Variants in SMC6 observed in about 807,000 individuals in gnomAD.
SMC6 encodes the protein structural maintenance of chromosomes 6.
In SMC6, 79 loss-of-function variants were observed where a neutral mutation model predicts 142.2. The observed-to-expected ratio is 0.56, with a 90% CI of 0.46 to 0.67. The LOEUF (loss-of-function observed/expected upper bound fraction) is 0.67. Among genes scored for constraint, SMC6 ranks in the 30% least tolerant of loss-of-function variants. The pLI is 0.00. For missense variants in SMC6, 1,072 were observed against 1,284.0 expected, an observed-to-expected ratio of 0.83 and a Z score of 2.52; for synonymous variants, 411 against 412.4, an observed-to-expected ratio of 1.00 and a Z score of 0.04.
chr2:17,736,933 T>G (rs1017640794), intron 5 of SMC6, among the ~76,000 whole-genome samples: 97 of 152,018 alleles, frequency 6.4e-4, no homozygotes, highest in African/African-American at 2.1e-3. Flanking sequence ...AAAAAAATTT[T>G]TAAATATAAT....
chr2:17,733,867 C>G (rs1437144302), intron 5 of SMC6, among the ~76,000 whole-genome samples: 1 of 152,182 alleles, frequency 6.6e-6, no homozygotes, highest in African/African-American at 2.4e-5. Flanking sequence ...ACACATACAC[C>G]TACAGACTAG....
chr2:17,677,098 G>A (rs1159964165), intron 25 of SMC6, among the ~76,000 whole-genome samples: 5 of 152,142 alleles, frequency 3.3e-5, no homozygotes, highest in African/African-American at 9.7e-5. Context: ...TATAAATGGT[G>A]AGCGTGGACA....
intron 26 of SMC6, among the ~76,000 whole-genome samples, chr2:17,667,242 TG>T (rs1194608259): frequency 1.3e-5 from 2 of 152,188 alleles, no homozygotes; most frequent in African/African-American, 4.8e-5. Flanking sequence ...TTTCCCTCAA[TG>T]ATAAAGGTTA....
chr2:17,674,904 T>C (rs1309680532), intron 25 of SMC6, among the ~76,000 whole-genome samples: 2 of 152,116 alleles, frequency 1.3e-5, no homozygotes, highest in African/African-American at 4.8e-5. Flanking sequence ...TCTGTCCTTA[T>C]GTTAATATTT....
intron 7 of SMC6, among the ~76,000 whole-genome samples, chr2:17,726,782 C>T (rs1669650194): frequency 6.6e-6 from 1 of 152,158 alleles, no homozygotes; most frequent in Non-Finnish European, 1.5e-5. Flanking sequence ...TTCTTACCTG[C>T]TGTATAGAAT....
rs574309833 is a variant in SMC6 at position 17,729,810 on chromosome 2, C to T, written c.543+1268G>A. ...TGCTACGTGTGGCTTTTTCTACTTA[C>T]AAAAAAACCATTAAAAATTCAATTT... On this transcript the variant is annotated intron_variant, in intron 7 of 27. Transcript: ENST00000448223. Among the ~76,000 whole-genome samples the T allele has an allele frequency of 1.1e-3, 175 of 152,178 alleles. 1 individual carries two copies. Among genetic ancestry groups the T allele is most frequent in the Non-Finnish European group, 1.2e-3 (81 of 67,994 alleles).
chr2:17,693,664 T>G (rs1039144270), intron 23 of SMC6, among the ~76,000 whole-genome samples: 10 of 151,688 alleles, frequency 6.6e-5, no homozygotes, highest in African/African-American at 2.4e-4. Context: ...GTTGTGCACA[T>G]GTACCCTAAA....
chr2:17,731,488 T>C (rs559871075), intron 6 of SMC6, among the ~76,000 whole-genome samples: 1 of 152,336 alleles, frequency 6.6e-6, no homozygotes, highest in African/African-American at 2.4e-5. Flanking sequence ...AGGAAGTCTG[T>C]AGGTGAAAAC....
intron 6 of SMC6, 28 bp from the exon 7 acceptor site, chr2:17,731,167 C>A (rs781201706): frequency 1.3e-6 from 2 of 1,525,278 alleles, no homozygotes; most frequent in South Asian, 1.1e-5. Flanking sequence ...ATGAAATAAC[C>A]AAACTGTTTC....
rs114955621 is a variant in SMC6, at chr2:17,712,413, T to G, written c.1730+2448A>C. 7.2e-3 allele frequency among the ~76,000 whole-genome samples: 1,094 copies of G among 152,224 alleles called. 10 individuals carry two copies. The highest frequency in any genetic ancestry group is 0.025 in the South Asian group (123 of 4,830). On this transcript the variant is annotated intron_variant, in intron 16 of 27. Coordinates refer to ENST00000448223, the MANE Select transcript of SMC6 (RefSeq NM_001142286.2). Reference sequence around the variant, plus strand: ...GAAAGTATGTGATTCAAGGCACAAGTAGACTAGCCTCAGACAGAAAGAATC... The same window carrying G: ...GAAAGTATGTGATTCAAGGCACAAGGAGACTAGCCTCAGACAGAAAGAATC...
At chr2:17,708,783 T>A in intron 16 of SMC6, 30 bp from the exon 17 acceptor site, 2 of 1,111,800 alleles carry the variant, frequency 1.8e-6, no homozygotes, top group Non-Finnish European at 2.5e-6. Flanking sequence ...AAGGATTAAC[T>A]TAGCAAATTT....
intron 7 of SMC6, among the ~76,000 whole-genome samples, chr2:17,729,680 T>C (rs772121240): frequency 3.3e-5 from 5 of 152,244 alleles, no homozygotes; most frequent in Admixed American, 6.5e-5. Context: ...TCTAATAAAT[T>C]GTCCTGCATT....
At chr2:17,745,508 T>C (rs1316545876) in intron 3 of SMC6, among the ~76,000 whole-genome samples, 2 of 152,152 alleles carry the variant, frequency 1.3e-5, no homozygotes, top group African/African-American at 4.8e-5. Context: ...TCCTTACCCT[T>C]TGGATGTCTG....
At chr2:17,721,314 C>G (rs1321099480) in intron 9 of SMC6, 53 bp from the exon 10 acceptor site, 10 of 1,487,232 alleles carry the variant, frequency 6.7e-6, no homozygotes, top group Non-Finnish European at 8.9e-6. Flanking sequence ...TGAAAAAACA[C>G]ATTTTTGCAA....
At chr2:17,684,742 C>T (rs749035449) in intron 23 of SMC6, among the ~76,000 whole-genome samples, 2 of 152,122 alleles carry the variant, frequency 1.3e-5, no homozygotes, top group Non-Finnish European at 2.9e-5. Context: ...CACAGGATCA[C>T]TTGAACCCAG....
At chr2:17,680,425 G>C (rs1667189456) in intron 24 of SMC6, 1 of 152,090 alleles carries the variant, frequency 6.6e-6, no homozygotes, top group Non-Finnish European at 1.5e-5. Flanking sequence ...TGTTCTTAAT[G>C]CTATCTAGAA....
rs148280576 is a variant in SMC6, at chr2:17,686,176, T to C, written c.2679-2413A>G. 3.2e-3 allele frequency among the ~76,000 whole-genome samples: 491 copies of C among 152,196 alleles called. 4 individuals carry two copies. Among genetic ancestry groups the C allele is most frequent in the African/African-American group, 0.011 (459 of 41,556 alleles). The stretch of plus-strand genomic sequence containing the variant: ...TCTCATACAGGTTGAGCATTCCTAA[T>C]CCAAAAATTTGAAATTTGGCCAGGT... On this transcript the variant is annotated intron_variant, in intron 23 of 27. Transcript: ENST00000448223.
chr2:17,721,227 T>A lies in SMC6; in HGVS notation c.761A>T (p.Lys254Ile). The A allele has an allele frequency of 6.2e-7, 1 of 1,610,704 alleles. No individual in the cohort carries two copies. Among genetic ancestry groups the A allele is most frequent in the Admixed American group, 1.7e-5 (1 of 59,314 alleles). The change falls in exon 10 of 28, where the codon AAA becomes ATA. Residue 254 changes from lysine (K) to isoleucine (I), a missense_variant. This residue lies in a region of SMC6 where 994 missense variants were observed against 1,153.2 expected (regional missense o/e 0.86). Transcript: ENST00000448223. ...LTELKRQCVE[K>I]EERFQSIAGL... The stretch of plus-strand genomic sequence containing the variant: ...AGCAATACTTTGAAAACGTTCCTCT[T>A]TCTCTACACACTGGCGCTTTAGTTC...
chr2:17,720,882 A>G (rs768696287), intron 11 of SMC6, 58 bp downstream of exon 11: 1 of 1,404,982 alleles, frequency 7.1e-7, no homozygotes, highest in Non-Finnish European at 1.0e-6. Context: ...AAATAGTCTA[A>G]TATCTGTAAT....
Sources: gnomAD v4.1 joint callset for allele counts (sites outside exome capture counted in the v4.1 genomes callset) on GRCh38, gnomAD v4.1.1 for gene constraint, gnomAD v4.1.1 regional missense constraint, MANE v1.5 for transcripts, NCBI Gene and HGNC (gene_info 2026-07-23, HGNC 2026-07-21) for gene names.